Variants in GOLGA7 observed in about 807,000 individuals in gnomAD.
GOLGA7 encodes golgin subfamily A member 7.
Under a neutral mutation model 21.1 loss-of-function variants are expected in GOLGA7, and 10 were observed. The ratio of observed to expected loss-of-function variants is 0.47; its 90% CI spans 0.29 to 0.80. The LOEUF (loss-of-function observed/expected upper bound fraction) is 0.80, where lower values mean the gene tolerates loss of function less well. Among genes scored for constraint, GOLGA7 ranks in the 30% least tolerant of loss-of-function variants. The pLI is 0.08. For missense variants in GOLGA7, 114 were observed against 166.8 expected, an observed-to-expected ratio of 0.68 and a Z score of 1.74; for synonymous variants, 64 against 62.6, an observed-to-expected ratio of 1.02 and a Z score of -0.10.
chr8:41,495,862 CTG>C (rs1805999734), intron 1 of GOLGA7, among the ~76,000 whole-genome samples: 1 of 152,098 alleles, frequency 6.6e-6, no homozygotes, highest in Non-Finnish European at 1.5e-5. Context: ...AATTTGAAAT[CTG>C]TTATACAAAG....
chr8:41,505,611 T>C (rs1806265347), intron 2 of GOLGA7, among the ~76,000 whole-genome samples: 1 of 152,216 alleles, frequency 6.6e-6, no homozygotes, highest in Non-Finnish European at 1.5e-5. Flanking sequence ...TTTCTCCATA[T>C]GCAGGATTGA....
chr8:41,492,707 G>A (rs1326665900), intron 1 of GOLGA7, among the ~76,000 whole-genome samples: 1 of 152,136 alleles, frequency 6.6e-6, no homozygotes, highest in Non-Finnish European at 1.5e-5. Flanking sequence ...TCAATCAAAT[G>A]TTTTATTTTT....
In GOLGA7 at chr8:41,505,577, A is replaced by G. The variant is rs555873909; in HGVS notation, c.265-334A>G. The stretch of plus-strand genomic sequence containing the variant: ...TAGGAAAAGAGAAGCTTGAGCAGCC[A>G]TTGTGTATATAACCATCTGTGTGTT... On this transcript the variant is annotated intron_variant, in intron 2 of 4. Coordinates refer to ENST00000357743, the MANE Select transcript of GOLGA7 (RefSeq NM_001002296.2). 2.6e-5 allele frequency among the ~76,000 whole-genome samples: 4 copies of G among 152,344 alleles called. No homozygotes were observed. The South Asian group carries it at 8.3e-4, about 32-fold the overall frequency.
intron 4 of GOLGA7, among the ~76,000 whole-genome samples, chr8:41,509,119 TA>T (rs1310644687): frequency 6.6e-6 from 1 of 152,246 alleles, no homozygotes; most frequent in African/African-American, 2.4e-5. Context: ...CATCTTTATA[TA>T]AAATGGAATA....
chr8:41,494,236 G>A (rs1017751099), intron 1 of GOLGA7, among the ~76,000 whole-genome samples: 1 of 152,112 alleles, frequency 6.6e-6, no homozygotes, highest in Non-Finnish European at 1.5e-5. Flanking sequence ...AGCTGCTCTG[G>A]GGGTTGAGGT....
Position 41,497,596 on chromosome 8 carries a change from G to C in GOLGA7, c.199G>C (p.Glu67Gln). ...GAAGCTCGGCGGCCAGTCATATCTC[G>C]AAGGTTGTTTGGCTTGTTTAACAGC... ...AEKLGGQSYL[E>Q]GCLACLTAYT... The change falls in exon 2 of 5, where the codon GAA becomes CAA. Residue 67 changes from glutamate to glutamine, a missense_variant. Physicochemically the swap from Glu to Gln is conservative, Grantham distance 29 (BLOSUM62 2). Coordinates refer to ENST00000357743, the MANE Select transcript of GOLGA7 (RefSeq NM_001002296.2). 6.3e-7 allele frequency: 1 copy of C among 1,588,118 alleles called. No individual in the cohort carries two copies. The highest frequency in any genetic ancestry group is 8.6e-7 in the Non-Finnish European group (1 of 1,156,420).
At chr8:41,508,024 C>T (rs75264294) in intron 4 of GOLGA7, among the ~76,000 whole-genome samples, 2,684 of 152,310 alleles carry the variant, frequency 0.018, 45 homozygotes, top group Middle Eastern at 0.071. Context: ...CACAAGAACC[C>T]TACAAAGTAT....
At chr8:41,508,640 T>C (rs1806347409) in intron 4 of GOLGA7, among the ~76,000 whole-genome samples, 1 of 152,260 alleles carries the variant, frequency 6.6e-6, no homozygotes, top group South Asian at 2.1e-4. Flanking sequence ...CATGTGTTTT[T>C]CTGATGTGTG....
At chr8:41,491,236 C>G (rs1471308908) in intron 1 of GOLGA7, among the ~76,000 whole-genome samples, 1 of 152,168 alleles carries the variant, frequency 6.6e-6, no homozygotes, top group African/African-American at 2.4e-5. Context: ...GCAGTGTTCC[C>G]CTGCTGCACT....
chr8:41,498,081 C>T (rs1563416636), intron 2 of GOLGA7, among the ~76,000 whole-genome samples: 1 of 152,160 alleles, frequency 6.6e-6, no homozygotes, highest in Non-Finnish European at 1.5e-5. Flanking sequence ...CCCACCTCCC[C>T]ATTTTGTCAA....
intron 2 of GOLGA7, among the ~76,000 whole-genome samples, chr8:41,501,433 G>A (rs1243547814): frequency 1.3e-5 from 2 of 151,914 alleles, no homozygotes; most frequent in African/African-American, 2.4e-5. Context: ...CAGTAGAGAT[G>A]AAGTTTCACC....
rs1806385213 is a variant in GOLGA7 at position 41,510,107 on chromosome 8, A to C, written c.*539A>C. ...GAATTACTGGTTTTACCATGACTCA[A>C]ATCTTAAGATCTGTTTCTACTATTC... is the stretch of plus-strand genomic sequence containing the variant. On this transcript the variant is annotated 3_prime_UTR_variant, in exon 5 of 5. Coordinates refer to ENST00000357743, the MANE Select transcript of GOLGA7 (RefSeq NM_001002296.2). 6.6e-6 allele frequency: 1 copy of C among 152,630 alleles called. No homozygotes were observed. The allele number at this position is 152,630 out of a possible 1,614,324, so 9.5% of individuals were successfully genotyped here. A position where few individuals can be genotyped will look rare whatever the true frequency, so the allele number is the denominator to read the frequency against.
chr8:41,499,117 G>A (rs905484862), intron 2 of GOLGA7, among the ~76,000 whole-genome samples: 4 of 152,162 alleles, frequency 2.6e-5, no homozygotes, highest in African/African-American at 9.7e-5. Context: ...GTTGAAACAG[G>A]AAAAGTTCTC....
At chr8:41,502,673 G>C (rs117042452) in intron 2 of GOLGA7, 1 of 152,178 alleles carries the variant, frequency 6.6e-6, no homozygotes, top group African/African-American at 2.4e-5. Context: ...TCTGAAAACA[G>C]TAAGATGTGG....
upstream of GOLGA7, chr8:41,490,533 T>G (rs1228241807): frequency 1.2e-5 from 4 of 334,118 alleles, no homozygotes; most frequent in Non-Finnish European, 2.2e-5. Flanking sequence ...GAGGCCGAGC[T>G]GAGGGGCGGG....
chr8:41,496,298 A>C (rs1038527841), intron 1 of GOLGA7, among the ~76,000 whole-genome samples: 1 of 151,816 alleles, frequency 6.6e-6, no homozygotes. Flanking sequence ...TGAATAAACT[A>C]TGTGTTGTGC....
chr8:41,490,660 G>A lies in GOLGA7; in HGVS notation c.-195G>A. The A allele has an allele frequency of 1.8e-6, 1 of 547,140 alleles. No homozygotes were observed. The highest frequency in any genetic ancestry group is 3.2e-6 in the Non-Finnish European group (1 of 309,822). The allele number at this position is 547,140 out of a possible 1,614,324, so 33.9% of individuals were successfully genotyped here. A position where few individuals can be genotyped will look rare whatever the true frequency, so the allele number is the denominator to read the frequency against. ...CGAACCGGGTTGTGGGGGGCGCGGGGCCTGGGCCAGGCGGCAGCTAAGGCC... is the reference window on the plus strand; with the variant it reads ...CGAACCGGGTTGTGGGGGGCGCGGGACCTGGGCCAGGCGGCAGCTAAGGCC... On this transcript the variant is annotated 5_prime_UTR_variant, in exon 1 of 5. Transcript: ENST00000357743.
chr8:41,499,836 G>A (rs1806108792), intron 2 of GOLGA7, among the ~76,000 whole-genome samples: 1 of 152,192 alleles, frequency 6.6e-6, no homozygotes, highest in Non-Finnish European at 1.5e-5. Context: ...GAGGTGGAGC[G>A]CTAGCCAGGG....
In GOLGA7 at chr8:41,490,681, A is replaced by G; in HGVS notation, c.-174A>G. ...CGGGGCCTGGGCCAGGCGGCAGCTA[A>G]GGCCCGCGGTGACAGCATGGGTGAA... On this transcript the variant is annotated 5_prime_UTR_variant, in exon 1 of 5. Transcript: ENST00000357743. The G allele has an allele frequency of 1.8e-6, 1 of 551,628 alleles. No individual in the cohort carries two copies. Among genetic ancestry groups the G allele is most frequent in the Non-Finnish European group, 3.2e-6 (1 of 311,630 alleles). The allele number at this position is 551,628 out of a possible 1,614,324, so 34.2% of individuals were successfully genotyped here.
Sources: allele counts gnomAD v4.1 joint callset (sites outside exome capture counted in the v4.1 genomes callset), GRCh38; gene constraint gnomAD v4.1.1; transcripts MANE v1.5; gene names NCBI Gene and HGNC (gene_info 2026-07-23, HGNC 2026-07-21).